MTCL2: variants seen among roughly 807,000 people sequenced by gnomAD.
MTCL2 encodes microtubule crosslinking factor 2.
the MTCL2 span, among the ~76,000 whole-genome samples, chr20:36,816,602 G>C: frequency 2.6e-5 from 4 of 152,152 alleles, no homozygotes; most frequent in South Asian, 2.1e-4. Context: ...CTCCCTCCCA[G>C]AGCCACAGAC....
the MTCL2 span, among the ~76,000 whole-genome samples, chr20:36,796,155 C>G: frequency 6.6e-6 from 1 of 152,236 alleles, no homozygotes; most frequent in Admixed American, 6.5e-5. Context: ...CCATGAAGCT[C>G]CTGGCACACC....
the MTCL2 span, among the ~76,000 whole-genome samples, chr20:36,858,911 C>A: frequency 6.6e-6 from 1 of 152,178 alleles, no homozygotes; most frequent in Non-Finnish European, 1.5e-5. Context: ...CTGCCTCAGC[C>A]TCCTGAGTAG....
chr20:36,781,719 A>G, the MTCL2 span: 2 of 151,026 alleles, frequency 1.3e-5, no homozygotes, highest in Non-Finnish European at 2.9e-5. Flanking sequence ...AAATAAATAA[A>G]TAAAATAAAA....
chr20:36,801,281 C>A, the MTCL2 span, among the ~76,000 whole-genome samples: 3 of 152,142 alleles, frequency 2.0e-5, no homozygotes. Context: ...ATCATAGTAT[C>A]TCCACACTAG....
the MTCL2 span, among the ~76,000 whole-genome samples, chr20:36,816,898 C>T: frequency 1.3e-5 from 2 of 152,084 alleles, no homozygotes; most frequent in African/African-American, 4.8e-5. Flanking sequence ...GGGTGGGGAG[C>T]GAGCATCTAA....
At chr20:36,795,280 G>A in the MTCL2 span, among the ~76,000 whole-genome samples, 1 of 151,878 alleles carries the variant, frequency 6.6e-6, no homozygotes, top group African/African-American at 2.4e-5. Flanking sequence ...GTAGAGATGG[G>A]GATCTCCCTA....
At chr20:36,834,519 T>G in the MTCL2 span, among the ~76,000 whole-genome samples, 6 of 152,120 alleles carry the variant, frequency 3.9e-5, no homozygotes, top group Non-Finnish European at 8.8e-5. Flanking sequence ...GAATGTATGT[T>G]GTGAACAAGC....
chr20:36,818,103 G>A, the MTCL2 span, among the ~76,000 whole-genome samples: 1 of 152,198 alleles, frequency 6.6e-6, no homozygotes, highest in Non-Finnish European at 1.5e-5. Flanking sequence ...CCATGGGATC[G>A]CCTGAGATCA....
At chr20:36,831,931 TACTC>T in the MTCL2 span, among the ~76,000 whole-genome samples, 11 of 152,180 alleles carry the variant, frequency 7.2e-5, no homozygotes, top group African/African-American at 2.4e-4. Flanking sequence ...AACTCACTCA[TACTC>T]ACTCACTAAC....
chr20:36,802,912 C>A, the MTCL2 span: 2 of 1,571,478 alleles, frequency 1.3e-6, no homozygotes, highest in Non-Finnish European at 8.6e-7. Flanking sequence ...TGCTTCTCAC[C>A]CTGCAGCCGC....
At chr20:36,800,264 T>C in the MTCL2 span, among the ~76,000 whole-genome samples, 1 of 152,254 alleles carries the variant, frequency 6.6e-6, no homozygotes, top group African/African-American at 2.4e-5. Context: ...GCTTGTTTCA[T>C]AATTTCAGAA....
At chr20:36,823,695 C>A in the MTCL2 span, among the ~76,000 whole-genome samples, 18 of 152,072 alleles carry the variant, frequency 1.2e-4, no homozygotes, top group African/African-American at 3.9e-4. Context: ...ATAGTCCCAA[C>A]AACTTGGGAT....
At chr20:36,791,036 A>ATT in the MTCL2 span, among the ~76,000 whole-genome samples, 6 of 147,918 alleles carry the variant, frequency 4.1e-5, no homozygotes, top group African/African-American at 1.5e-4. Context: ...AAACATTTAT[A>ATT]TTTTTTTTTT....
chr20:36,816,715 A>C, the MTCL2 span, among the ~76,000 whole-genome samples: 3 of 152,190 alleles, frequency 2.0e-5, no homozygotes, highest in African/African-American at 7.2e-5. Flanking sequence ...TACTTCATCC[A>C]ATTCTTCCAA....
the MTCL2 span, among the ~76,000 whole-genome samples, chr20:36,838,370 G>C: frequency 6.7e-6 from 1 of 149,486 alleles, no homozygotes; most frequent in Admixed American, 6.7e-5. Flanking sequence ...CAAGGCAGGA[G>C]GATCACTTGA....
At chr20:36,815,731 C>A in the MTCL2 span, 2 of 1,595,536 alleles carry the variant, frequency 1.3e-6, no homozygotes, top group East Asian at 2.3e-5. The surrounding 1 kb of genome is among the most constrained non-coding windows in gnomAD (Gnocchi z 5.3). Context: ...GCCAGCTCCT[C>A]CTGTGAAGGT....
At chr20:36,847,315 C>T in the MTCL2 span, among the ~76,000 whole-genome samples, 1 of 152,254 alleles carries the variant, frequency 6.6e-6, no homozygotes, top group East Asian at 1.9e-4. Context: ...AGGCTGACTC[C>T]TGACTATCTC....
At chr20:36,842,304 C>T in the MTCL2 span, among the ~76,000 whole-genome samples, 1 of 152,116 alleles carries the variant, frequency 6.6e-6, no homozygotes, top group East Asian at 1.9e-4. Context: ...ACAAAAAAGA[C>T]ATACGAATGT....
At chr20:36,861,072 C>A in the MTCL2 span, among the ~76,000 whole-genome samples, 1 of 152,218 alleles carries the variant, frequency 6.6e-6, no homozygotes. Flanking sequence ...GCAACCCATC[C>A]CCCTTCACCA....
Sources: gnomAD v4.1 joint callset for allele counts (sites outside exome capture counted in the v4.1 genomes callset) on GRCh38, gnomAD v4.1.1 for gene constraint, Gnocchi (gnomAD v3.1) non-coding constraint, MANE v1.5 for transcripts, NCBI Gene and HGNC (gene_info 2026-07-23, HGNC 2026-07-21) for gene names.